Variants in ZC3H12B observed in about 807,000 individuals in gnomAD.
ZC3H12B encodes the protein probable ribonuclease ZC3H12B.
ZC3H12B carries 7 observed loss-of-function variants against 43.9 expected under a neutral mutation model. The observed-to-expected ratio is 0.16, with a 90% CI of 0.09 to 0.30. The LOEUF (loss-of-function observed/expected upper bound fraction) is 0.30. ZC3H12B is among the 10% of genes least tolerant of loss of function. ZC3H12B has a pLI of 1.00. For missense variants in ZC3H12B, 475 were observed against 670.2 expected, an observed-to-expected ratio of 0.71 and a Z score of 3.22; for synonymous variants, 222 against 241.7, an observed-to-expected ratio of 0.92 and a Z score of 0.76.
the ZC3H12B span, among the ~76,000 whole-genome samples, chrX:65,254,262 C>G: frequency 4.9e-3 from 554 of 112,676 alleles, 5 homozygotes; most frequent in African/African-American, 0.017. Context: ...CTGCTAGTAT[C>G]CCGCCCCAGG....
intron 3 of ZC3H12B, among the ~76,000 whole-genome samples, chrX:65,425,703 C>T (rs1219881721): frequency 8.9e-6 from 1 of 111,802 alleles, no homozygotes; most frequent in Non-Finnish European, 1.9e-5. Flanking sequence ...GGCTTTTCTG[C>T]ATCTATTGAG....
intron 3 of ZC3H12B, among the ~76,000 whole-genome samples, chrX:65,416,930 C>T (rs1035602866): frequency 8.9e-6 from 1 of 111,960 alleles, no homozygotes; most frequent in Non-Finnish European, 1.9e-5. Flanking sequence ...CCTGACTATA[C>T]TTGTTTATAC....
the ZC3H12B span, among the ~76,000 whole-genome samples, chrX:65,095,014 A>G: frequency 8.9e-6 from 1 of 112,152 alleles, no homozygotes; most frequent in East Asian, 2.8e-4. Context: ...TTTTCATGTC[A>G]AGACAAACTG....
At chrX:65,067,447 TC>T in the ZC3H12B span, among the ~76,000 whole-genome samples, 136 of 110,780 alleles carry the variant, frequency 1.2e-3, 1 homozygote, top group African/African-American at 4.4e-3. Flanking sequence ...CTACTCTACT[TC>T]CGCTTGCCCT....
At chrX:65,157,152 T>C in the ZC3H12B span, among the ~76,000 whole-genome samples, 4 of 110,661 alleles carry the variant, frequency 3.6e-5, no homozygotes, top group Non-Finnish European at 7.6e-5. Context: ...GGCTGATTTT[T>C]GTATTTTTTG....
the ZC3H12B span, among the ~76,000 whole-genome samples, chrX:65,231,118 G>A: frequency 5.4e-5 from 6 of 110,917 alleles, no homozygotes; most frequent in Admixed American, 1.9e-4. Context: ...CTGGGCCTCC[G>A]GAGGTGCCAT....
the ZC3H12B span, among the ~76,000 whole-genome samples, chrX:65,153,373 A>C: frequency 8.9e-6 from 1 of 112,219 alleles, no homozygotes; most frequent in Non-Finnish European, 1.9e-5. Context: ...CAATGAACTC[A>C]AACAAATTTA....
intron 3 of ZC3H12B, among the ~76,000 whole-genome samples, chrX:65,425,710 T>G (rs917047996): frequency 1.1e-4 from 12 of 112,057 alleles, no homozygotes; most frequent in Admixed American, 3.8e-4. Flanking sequence ...CTGCATCTAT[T>G]GAGTTAATCA....
chrX:65,295,267 C>A, the ZC3H12B span, among the ~76,000 whole-genome samples: 1 of 111,365 alleles, frequency 9.0e-6, no homozygotes, highest in Admixed American at 9.6e-5. Flanking sequence ...AAAAACCATG[C>A]AAATACATGG....
At chrX:65,126,049 G>GT in the ZC3H12B span, among the ~76,000 whole-genome samples, 1,861 of 94,543 alleles carry the variant, frequency 0.02, 35 homozygotes, top group African/African-American at 0.05. Flanking sequence ...TTGTGTGTGT[G>GT]TTTTTTTTTT....
intron 2 of ZC3H12B, among the ~76,000 whole-genome samples, chrX:65,385,080 C>T (rs765366244): frequency 1.8e-5 from 2 of 111,892 alleles, no homozygotes; most frequent in African/African-American, 6.5e-5. Flanking sequence ...AGTCAGGTAG[C>T]ATGATGTCGC....
chrX:65,151,785 G>A, the ZC3H12B span, among the ~76,000 whole-genome samples: 176 of 111,472 alleles, frequency 1.6e-3, 2 homozygotes, highest in African/African-American at 5.6e-3. Flanking sequence ...CCAAAAAAGA[G>A]AATTTTTGAC....
the ZC3H12B span, among the ~76,000 whole-genome samples, chrX:65,171,782 G>A: frequency 5.4e-5 from 6 of 110,973 alleles, no homozygotes; most frequent in East Asian, 1.1e-3. Context: ...CTTTCAGTTC[G>A]ATCTCAGACT....
At chrX:65,207,080 A>T in the ZC3H12B span, among the ~76,000 whole-genome samples, 1 of 109,274 alleles carries the variant, frequency 9.2e-6, no homozygotes, top group South Asian at 3.9e-4. Context: ...TAATACAGCC[A>T]TTATGGAAAT....
At chrX:65,117,803 A>G in the ZC3H12B span, among the ~76,000 whole-genome samples, 1 of 111,963 alleles carries the variant, frequency 8.9e-6, no homozygotes, top group Non-Finnish European at 1.9e-5. Flanking sequence ...TCCCAGCACC[A>G]TTTATTAAAC....
chrX:65,198,103 A>G, the ZC3H12B span, among the ~76,000 whole-genome samples: 4 of 111,973 alleles, frequency 3.6e-5, no homozygotes, highest in East Asian at 5.6e-4. Flanking sequence ...AGACCAAGCC[A>G]CCCAATCGCA....
chrX:65,424,660 G>A (rs2067058893), intron 3 of ZC3H12B, among the ~76,000 whole-genome samples: 1 of 111,685 alleles, frequency 9.0e-6, no homozygotes, highest in African/African-American at 3.3e-5. Flanking sequence ...GTAAGGAGAG[G>A]GTCCTGTTTC....
the ZC3H12B span, among the ~76,000 whole-genome samples, chrX:65,183,746 G>T: frequency 9.0e-6 from 1 of 111,428 alleles, no homozygotes; most frequent in Non-Finnish European, 1.9e-5. Flanking sequence ...AATATGTAAG[G>T]TACTTATCCC....
At chrX:65,447,628 A>T in intron 3 of ZC3H12B, among the ~76,000 whole-genome samples, 1 of 112,250 alleles carries the variant, frequency 8.9e-6, no homozygotes, top group Non-Finnish European at 1.9e-5. Context: ...ACAGCAAAAG[A>T]AAGAATCATC....
Sources: gnomAD v4.1 joint callset for allele counts (sites outside exome capture counted in the v4.1 genomes callset) on GRCh38, gnomAD v4.1.1 for gene constraint, MANE v1.5 for transcripts, NCBI Gene and HGNC (gene_info 2026-07-23, HGNC 2026-07-21) for gene names.